Variants in GPC5 observed in about 807,000 individuals in gnomAD.
GPC5 encodes the protein glypican-5.
A neutral mutation model predicts 53.9 loss-of-function variants in GPC5; 47 were observed. The ratio of observed to expected loss-of-function variants is 0.87; its 90% CI spans 0.69 to 1.11. The LOEUF is 1.11. Ranked by LOEUF, GPC5 falls within the 50% of genes most tolerant of loss-of-function variation. GPC5 has a pLI of 0.00. For synonymous variants in GPC5, 286 were observed against 263.3 expected, an observed-to-expected ratio of 1.09 and a Z score of -0.84; for missense variants, 748 against 713.1, an observed-to-expected ratio of 1.05 and a Z score of -0.56.
At chr13:91,888,338 C>T (rs1217244702) in intron 5 of GPC5, among the ~76,000 whole-genome samples, 2 of 152,158 alleles carry the variant, frequency 1.3e-5, no homozygotes, top group Non-Finnish European at 2.9e-5. Flanking sequence ...ATGGGAGCTA[C>T]AATTCAAGAC....
Position 92,634,002 on chromosome 13 carries a change from A to G in GPC5, c.1562-232280A>G, listed in dbSNP as rs115502436. On this transcript the variant is annotated intron_variant, in intron 7 of 7. Coordinates refer to ENST00000377067, the MANE Select transcript of GPC5 (RefSeq NM_004466.6). Reference sequence around the variant, plus strand: ...AATTAAGAAATGTTAATATTTTCAAATGCATTTTGGTATCTTTGGAGATAA... The same window carrying G: ...AATTAAGAAATGTTAATATTTTCAAGTGCATTTTGGTATCTTTGGAGATAA... Among the ~76,000 whole-genome samples, 1,245 of 152,194 alleles carry G rather than the reference A, an allele frequency of 8.2e-3. 22 individuals carry two copies. The highest frequency in any genetic ancestry group is 0.029 in the African/African-American group (1,190 of 41,554).
rs1412863783 is a variant in GPC5, at chr13:92,267,697, A to G, written c.1561+122708A>G. On this transcript the variant is annotated intron_variant, in intron 7 of 7. Transcript: ENST00000377067. ...GAATATGGCAAACTGCATTCTGTGA[A>G]CTGGCTTACTCTTTTTTTGTAAATA... Among the ~76,000 whole-genome samples, 4 of 142,082 alleles carry G rather than the reference A, an allele frequency of 2.8e-5. No homozygotes were observed. The East Asian group carries it at 8.1e-4, about 29-fold the overall frequency. The allele number at this position is 142,082 out of a possible 152,430, so 93.2% of individuals were successfully genotyped here.
intron 7 of GPC5, among the ~76,000 whole-genome samples, chr13:92,536,324 G>T (rs1028496855): frequency 2.6e-5 from 4 of 152,104 alleles, no homozygotes; most frequent in African/African-American, 9.7e-5. Flanking sequence ...ATGAGTGAAA[G>T]ATGTATACCA....
chr13:91,699,049 G>C (rs2035941403), intron 3 of GPC5, among the ~76,000 whole-genome samples: 1 of 152,202 alleles, frequency 6.6e-6, no homozygotes, highest in Non-Finnish European at 1.5e-5. Context: ...GGGTGAAATA[G>C]AATGATACCA....
chr13:92,818,625 G>T (rs889507375), intron 7 of GPC5, among the ~76,000 whole-genome samples: 4 of 151,842 alleles, frequency 2.6e-5, no homozygotes, highest in Non-Finnish European at 4.4e-5. Flanking sequence ...TTTGCAAAAT[G>T]TCTGGCTCCG....
chr13:92,380,220 C>T (rs1054185605), intron 7 of GPC5, among the ~76,000 whole-genome samples: 1 of 152,148 alleles, frequency 6.6e-6, no homozygotes, highest in Admixed American at 6.5e-5. Context: ...CAGCAGCCCC[C>T]TTTCCAGTAA....
chr13:91,481,057 T>C (rs1469544786), intron 2 of GPC5, among the ~76,000 whole-genome samples: 1 of 152,172 alleles, frequency 6.6e-6, no homozygotes, highest in Non-Finnish European at 1.5e-5. Context: ...TCCATGTTTG[T>C]GCCTAATCAG....
At chr13:91,976,381 A>G (rs1355988662) in intron 6 of GPC5, among the ~76,000 whole-genome samples, 1 of 152,238 alleles carries the variant, frequency 6.6e-6, no homozygotes, top group Non-Finnish European at 1.5e-5. Flanking sequence ...CTCACTGCAT[A>G]GAAAGCCAAT....
rs1332545882 is a variant in GPC5 at position 91,908,193 on chromosome 13, A to C, written c.1401+136A>C. 6.0e-6 allele frequency: 4 copies of C among 671,132 alleles called. No homozygotes were observed. The African/African-American group carries it at 7.6e-5, about 13-fold the overall frequency. The allele number at this position is 671,132 out of a possible 1,614,324, so 41.6% of individuals were successfully genotyped here. ...ATTGTAACACACTTTTTGTATCAGG[A>C]CATTTGGAAATATTTAGTTTCATGA... is the stretch of plus-strand genomic sequence containing the variant. On this transcript the variant is annotated intron_variant, in intron 6 of 7. Coordinates refer to ENST00000377067, the MANE Select transcript of GPC5 (RefSeq NM_004466.6).
chr13:92,559,531 T>G (rs764316802), intron 7 of GPC5, among the ~76,000 whole-genome samples: 14 of 151,618 alleles, frequency 9.2e-5, no homozygotes, highest in Non-Finnish European at 1.5e-4. Flanking sequence ...TGAACCAATC[T>G]AGAGCCAGCC....
At chr13:91,453,489 C>G (rs1169332446) in intron 2 of GPC5, among the ~76,000 whole-genome samples, 2 of 151,944 alleles carry the variant, frequency 1.3e-5, no homozygotes, top group Admixed American at 1.3e-4. Flanking sequence ...GCACATTAAT[C>G]TTATTTAAGT....
chr13:91,580,263 G>A (rs2032311020), intron 2 of GPC5, among the ~76,000 whole-genome samples: 1 of 152,092 alleles, frequency 6.6e-6, no homozygotes, highest in Non-Finnish European at 1.5e-5. Flanking sequence ...TGTTAGCCAG[G>A]ATGGTCTTGA....
chr13:91,891,908 C>T (rs1307411603), intron 5 of GPC5, among the ~76,000 whole-genome samples: 1 of 151,944 alleles, frequency 6.6e-6, no homozygotes, highest in Admixed American at 6.6e-5. Flanking sequence ...ATTGCAGATG[C>T]CTCAAGAGAA....
chr13:92,706,908 A>T (rs1887970628), intron 7 of GPC5, among the ~76,000 whole-genome samples: 2 of 152,182 alleles, frequency 1.3e-5, no homozygotes, highest in African/African-American at 4.8e-5. Context: ...AATTAGGATT[A>T]GATGTAATTC....
At chr13:92,492,670 C>T (rs1490851422) in intron 7 of GPC5, among the ~76,000 whole-genome samples, 1 of 152,022 alleles carries the variant, frequency 6.6e-6, no homozygotes, top group East Asian at 1.9e-4. Context: ...AAAACTAGAA[C>T]AATCAAATAA....
intron 5 of GPC5, among the ~76,000 whole-genome samples, chr13:91,781,343 G>T (rs879929973): frequency 6.6e-6 from 1 of 152,192 alleles, no homozygotes; most frequent in Non-Finnish European, 1.5e-5. Context: ...ACGATAGTGC[G>T]TATGCTGTAC....
chr13:92,045,255 C>T (rs1257944420), intron 6 of GPC5, among the ~76,000 whole-genome samples: 1 of 152,084 alleles, frequency 6.6e-6, no homozygotes, highest in Non-Finnish European at 1.5e-5. Flanking sequence ...TGCTTACAGG[C>T]AAGCAATTTC....
chr13:91,995,235 G>A (rs183729504), intron 6 of GPC5: 7 of 152,288 alleles, frequency 4.6e-5, no homozygotes, highest in Admixed American at 3.9e-4. Flanking sequence ...GCCTCCCAAA[G>A]TGCTGGGATT....
intron 7 of GPC5, among the ~76,000 whole-genome samples, chr13:92,151,269 C>G (rs1226482787): frequency 6.6e-6 from 1 of 151,952 alleles, no homozygotes; most frequent in Non-Finnish European, 1.5e-5. Flanking sequence ...TATAAATTAC[C>G]TGGGACTCTG....
Sources: allele counts gnomAD v4.1 joint callset (sites outside exome capture counted in the v4.1 genomes callset), GRCh38; gene constraint gnomAD v4.1.1; transcripts MANE v1.5; gene names NCBI Gene and HGNC (gene_info 2026-07-23, HGNC 2026-07-21).